BOC: variants seen among roughly 807,000 people sequenced by gnomAD.
BOC encodes the protein BOC cell adhesion associated, oncogene regulated.
Under a neutral mutation model 112.0 loss-of-function variants are expected in BOC, and 76 were observed. The observed-to-expected ratio is 0.68, with a 90% confidence interval of 0.56 to 0.82. The LOEUF (loss-of-function observed/expected upper bound fraction) is 0.82. BOC is among the 40% of genes least tolerant of loss of function. The pLI is 0.00. For synonymous variants in BOC, 580 were observed against 599.8 expected (o/e 0.97, Z 0.48); for missense variants, 1,309 against 1,511.7 (o/e 0.87, Z 2.22).
chr3:113,281,754 CAGG>C (rs537271885), intron 15 of BOC, among the ~76,000 whole-genome samples: 252 of 152,312 alleles, frequency 1.7e-3, no homozygotes, highest in African/African-American at 5.7e-3. Context: ...AGAACATAAT[CAGG>C]AGAAGATCAC....
intron 2 of BOC, among the ~76,000 whole-genome samples, chr3:113,219,130 G>A (rs1940067441): frequency 6.6e-6 from 1 of 152,240 alleles, no homozygotes; most frequent in Non-Finnish European, 1.5e-5. Context: ...AAGAGAAGGA[G>A]CACACACAAG....
In BOC at chr3:113,281,110, A is replaced by T. The variant is rs1949155530; in HGVS notation, c.2391A>T (p.Gly797=). ...YDIKMQCFNE[G]GESEFSNVMI... is the part of the protein sequence containing the mutation. ...TTAAGATGCAGTGCTTCAATGAAGGAGGGGAGAGCGAGTTCAGCAACGTGA... is the reference window on the plus strand; with the variant it reads ...TTAAGATGCAGTGCTTCAATGAAGGTGGGGAGAGCGAGTTCAGCAACGTGA... Residue 797 remains glycine, a synonymous_variant, in exon 15 of 20, where the codon GGA becomes GGT. Coordinates refer to ENST00000682979, the MANE Select transcript of BOC (RefSeq NM_001378074.1). The T allele has an allele frequency of 6.2e-7, 1 of 1,614,116 alleles. No homozygotes were observed. The highest frequency in any genetic ancestry group is 8.5e-7 in the Non-Finnish European group (1 of 1,180,004).
intron 2 of BOC, among the ~76,000 whole-genome samples, chr3:113,222,137 C>G (rs1174500154): frequency 6.6e-6 from 1 of 152,216 alleles, no homozygotes; most frequent in East Asian, 1.9e-4. Flanking sequence ...TCCATGTTAT[C>G]ACCTCCTGGC....
chr3:113,272,557 C>T lies in BOC; in HGVS notation c.815C>T (p.Thr272Ile), dbSNP rs78290342. The change falls in exon 7 of 20, where the codon ACC becomes ATC. Residue 272 changes from threonine to isoleucine, a missense_variant. By Grantham distance (89) the Thr-to-Ile change is moderately conservative. Coordinates refer to ENST00000682979, the MANE Select transcript of BOC (RefSeq NM_001378074.1). ...TGGGCCAAGGATGGGTCCAGTGTCA[C>T]CGGCTACAACAAGACGCGCTTCCTG... ...VTWAKDGSSVTGYNKTRFLLS... is the reference protein window; with the variant it reads ...VTWAKDGSSVIGYNKTRFLLS... 6 of 1,614,082 alleles carry T rather than the reference C, an allele frequency of 3.7e-6. No individual in the cohort carries two copies. The East Asian group carries it at 1.3e-4, about 36-fold the overall frequency.
intron 15 of BOC, 87 bp from the exon 16 acceptor site, chr3:113,283,324 A>G: frequency 7.3e-7 from 1 of 1,365,530 alleles, no homozygotes; most frequent in Non-Finnish European, 9.9e-7. Context: ...TCCCAAACCC[A>G]TGGAATGGGG....
Position 113,285,539 on chromosome 3 carries a change from C to T in BOC, c.3134C>T (p.Ala1045Val). The part of the protein sequence containing the change: ...RRAPDSPVLE[A>V]VWDPPFHSGP... ...GCCCCCGACAGTCCTGTCCTGGAAGCAGTGTGGGACCCTCCATTTCACTCA... is the reference window on the plus strand; with the variant it reads ...GCCCCCGACAGTCCTGTCCTGGAAGTAGTGTGGGACCCTCCATTTCACTCA... Residue 1045 changes from alanine to valine, a missense_variant, in exon 19 of 20, where the codon GCA (alanine) becomes GTA (valine). Ala to Val is a moderately conservative substitution (Grantham distance 64). Coordinates refer to ENST00000682979, the MANE Select transcript of BOC (RefSeq NM_001378074.1). The T allele has an allele frequency of 6.3e-7, 1 of 1,595,326 alleles. No homozygotes were observed. The highest frequency in any genetic ancestry group is 1.7e-4 in the Middle Eastern group (1 of 5,968).
chr3:113,246,552 A>G (rs1015206620), intron 2 of BOC, among the ~76,000 whole-genome samples: 1 of 152,214 alleles, frequency 6.6e-6, no homozygotes, highest in Admixed American at 6.5e-5. Flanking sequence ...CAAACTCACT[A>G]GGTAACTTGG....
intron 2 of BOC, among the ~76,000 whole-genome samples, chr3:113,219,549 G>A (rs757502151): frequency 2.0e-5 from 3 of 152,218 alleles, no homozygotes; most frequent in Non-Finnish European, 4.4e-5. Context: ...CAGGTCTGCC[G>A]AGTCCAAAAC....
chr3:113,214,886 A>G (rs1939040944), intron 1 of BOC, among the ~76,000 whole-genome samples: 1 of 152,222 alleles, frequency 6.6e-6, no homozygotes, highest in African/African-American at 2.4e-5. Context: ...GTTCCTCCTC[A>G]GTTTTTATTT....
intron 2 of BOC, among the ~76,000 whole-genome samples, chr3:113,232,377 T>C (rs1300320259): frequency 6.6e-6 from 1 of 152,224 alleles, no homozygotes; most frequent in Non-Finnish European, 1.5e-5. Flanking sequence ...TTTTAGGTGA[T>C]TTAAAAGAAC....
chr3:113,230,758 T>C (rs752305480), intron 2 of BOC, among the ~76,000 whole-genome samples: 1 of 152,224 alleles, frequency 6.6e-6, no homozygotes, highest in Non-Finnish European at 1.5e-5. Context: ...ATCTCAGTGA[T>C]TTTTAACTTG....
intron 4 of BOC, among the ~76,000 whole-genome samples, chr3:113,260,547 G>A (rs905272936): frequency 6.6e-6 from 1 of 152,180 alleles, no homozygotes; most frequent in Non-Finnish European, 1.5e-5. Context: ...CCATGGTGGT[G>A]CATGGCCTGT....
At chr3:113,219,780 TG>T (rs1406889326) in intron 2 of BOC, among the ~76,000 whole-genome samples, 1 of 152,230 alleles carries the variant, frequency 6.6e-6, no homozygotes, top group African/African-American at 2.4e-5. Context: ...CTTTGTGGCT[TG>T]GCTGGTGTCA....
intron 19 of BOC, among the ~76,000 whole-genome samples, chr3:113,286,069 G>A (rs553558274): frequency 6.6e-6 from 1 of 152,228 alleles, no homozygotes; most frequent in South Asian, 2.1e-4. Flanking sequence ...GGAGTTTTGG[G>A]CCATTCACGC....
At chr3:113,233,148 G>GGGGGTGTGTGT (rs75678874) in intron 2 of BOC, among the ~76,000 whole-genome samples, 1 of 123,960 alleles carries the variant, frequency 8.1e-6, no homozygotes, top group South Asian at 3.0e-4. Flanking sequence ...AAAGGATTGG[G>GGGGGTGTGTGT]GTGTGTGTGT....
intron 3 of BOC, 53 bp downstream of exon 3, chr3:113,249,952 G>T: frequency 2.0e-6 from 3 of 1,481,636 alleles, no homozygotes; most frequent in Non-Finnish European, 9.4e-7. Flanking sequence ...GAAACATTCC[G>T]CATTCTACAA....
intron 2 of BOC, among the ~76,000 whole-genome samples, chr3:113,219,658 G>T (rs77423133): frequency 0.011 from 1,691 of 152,300 alleles, 21 homozygotes; most frequent in Non-Finnish European, 0.019. Context: ...AAAGTGTAAG[G>T]GGTAGGTGAG....
Position 113,274,730 on chromosome 3 carries a change from G to A in BOC, c.1542+48G>A. On this transcript the variant is annotated intron_variant, in intron 9 of 19. Coordinates refer to ENST00000682979, the MANE Select transcript of BOC (RefSeq NM_001378074.1). The surrounding 1 kb of genome is among the most constrained non-coding windows in gnomAD (Gnocchi z 4.8). Reference sequence around the variant, plus strand: ...CTGCCTCCCCTGCACAGCCTTTCCAGCAAGGCTGAGCAGAGTCACTGTCTC... The same window carrying A: ...CTGCCTCCCCTGCACAGCCTTTCCAACAAGGCTGAGCAGAGTCACTGTCTC... The A allele has an allele frequency of 2.6e-6, 4 of 1,519,598 alleles. No individual in the cohort carries two copies. The highest frequency in any genetic ancestry group is 3.6e-6 in the Non-Finnish European group (4 of 1,125,308). The allele number at this position is 1,519,598 out of a possible 1,614,324, so 94.1% of individuals were successfully genotyped here. A position where few individuals can be genotyped will look rare whatever the true frequency, so the allele number is the denominator to read the frequency against.
chr3:113,253,646 T>C (rs544076584), intron 4 of BOC, among the ~76,000 whole-genome samples: 1 of 152,058 alleles, frequency 6.6e-6, no homozygotes, highest in Non-Finnish European at 1.5e-5. Flanking sequence ...TTCATGTACA[T>C]CCACCCATGT....
Sources: allele counts gnomAD v4.1 joint callset (sites outside exome capture counted in the v4.1 genomes callset), GRCh38; gene constraint gnomAD v4.1.1; non-coding constraint Gnocchi (gnomAD v3.1); transcripts MANE v1.5; gene names NCBI Gene and HGNC (gene_info 2026-07-23, HGNC 2026-07-21).